The following NOL4 variants were observed in gnomAD, a reference collection of about 807,000 sequenced individuals.
NOL4 encodes cancer/testis antigen 125.
Under a neutral mutation model 75.9 loss-of-function variants are expected in NOL4, and 17 were observed. The observed-to-expected ratio is 0.22, with a 90% CI of 0.15 to 0.34. The LOEUF is 0.34. NOL4 is among the 10% of genes least tolerant of loss of function. The probability of loss-of-function intolerance (pLI) is 1.00; values close to 1 mark genes in which losing one functional copy is unlikely to be tolerated. For missense variants in NOL4, 614 were observed against 793.5 expected (o/e 0.77, Z 2.72); for synonymous variants, 292 against 289.9 (o/e 1.01, Z -0.07).
chr18:34,180,004 C>A (rs1220302552), intron 1 of NOL4, among the ~76,000 whole-genome samples: 1 of 151,430 alleles, frequency 6.6e-6, no homozygotes, highest in Non-Finnish European at 1.5e-5. Flanking sequence ...AAAATACTTT[C>A]TACAAAGAAA....
intron 1 of NOL4, among the ~76,000 whole-genome samples, chr18:34,205,803 C>T (rs2036082802): frequency 6.6e-6 from 1 of 152,016 alleles, no homozygotes; most frequent in Non-Finnish European, 1.5e-5. Flanking sequence ...AATGTTAAAA[C>T]CCCAGGCAAA....
At chr18:33,873,736 C>T (rs1380405662) in intron 10 of NOL4, among the ~76,000 whole-genome samples, 1 of 151,988 alleles carries the variant, frequency 6.6e-6, no homozygotes, top group Non-Finnish European at 1.5e-5. Flanking sequence ...AGGTAGTTAC[C>T]TACTAACACT....
intron 9 of NOL4, among the ~76,000 whole-genome samples, chr18:33,941,165 A>T (rs2068453005): frequency 6.6e-6 from 1 of 152,034 alleles, no homozygotes; most frequent in African/African-American, 2.4e-5. Context: ...TCCTCACAAC[A>T]GCTCTATGAA....
intron 5 of NOL4, among the ~76,000 whole-genome samples, chr18:34,087,265 G>A (rs1346943492): frequency 1.3e-5 from 2 of 152,020 alleles, no homozygotes; most frequent in Non-Finnish European, 2.9e-5. Context: ...TAGGATATAA[G>A]AAAAAGTGAA....
chr18:34,199,911 A>G (rs777617075), intron 1 of NOL4, among the ~76,000 whole-genome samples: 1 of 151,898 alleles, frequency 6.6e-6, no homozygotes, highest in Non-Finnish European at 1.5e-5. Flanking sequence ...CACGGTAAGT[A>G]ATAGCTGCTG....
At chr18:33,959,741 T>G (rs2069950081) in intron 6 of NOL4, among the ~76,000 whole-genome samples, 1 of 152,090 alleles carries the variant, frequency 6.6e-6, no homozygotes, top group African/African-American at 2.4e-5. Context: ...ATTGGTTCCC[T>G]TAAGCTTCAT....
In NOL4 at chr18:34,224,778, CGTGTGTGT is replaced by C. The variant is rs910886366; in HGVS notation, c.-1533_-1526del. On this transcript the variant is annotated 5_prime_UTR_variant, in exon 1 of 11. Coordinates refer to ENST00000261592, the MANE Select transcript of NOL4 (RefSeq NM_003787.5). Reference sequence around the variant, plus strand: ...CCTGCTCGGCCAGGCTGAGTGTGTGCGTGTGTGTGAGCAAGGGAGCGAGGGTGTGCGGT... The same window carrying C: ...CCTGCTCGGCCAGGCTGAGTGTGTGCGAGCAAGGGAGCGAGGGTGTGCGGT... 2 of 154,206 alleles carry C rather than the reference CGTGTGTGT, an allele frequency of 1.3e-5. No individual in the cohort carries two copies. The highest frequency in any genetic ancestry group is 2.9e-5 in the Non-Finnish European group (2 of 69,400). 9.6% of individuals were successfully genotyped at this position (154,206 alleles called of 1,614,324 possible). A position where few individuals can be genotyped will look rare whatever the true frequency, so the allele number is the denominator to read the frequency against.
intron 1 of NOL4, among the ~76,000 whole-genome samples, chr18:34,140,585 G>C (rs1006202244): frequency 2.0e-5 from 3 of 152,098 alleles, no homozygotes; most frequent in African/African-American, 7.2e-5. Flanking sequence ...CTGCACATGA[G>C]ATGGGTCTCC....
rs1446700500 is a variant in NOL4, at chr18:33,852,253, T to G, written c.*589A>C. The G allele has an allele frequency of 1.3e-5, 2 of 152,494 alleles. No individual in the cohort carries two copies. The highest frequency in any genetic ancestry group is 4.8e-5 in the African/African-American group (2 of 41,412). The allele number at this position is 152,494 out of a possible 1,614,324, so 9.4% of individuals were successfully genotyped here. On this transcript the variant is annotated 3_prime_UTR_variant, in exon 11 of 11. Coordinates refer to ENST00000261592, the MANE Select transcript of NOL4 (RefSeq NM_003787.5). Reference sequence around the variant, plus strand: ...AGGCAAAGGGATGTGGAAAAGGTACTTACAGTAGTTTCTCAAAACAGTTTT... The same window carrying G: ...AGGCAAAGGGATGTGGAAAAGGTACGTACAGTAGTTTCTCAAAACAGTTTT...
chr18:34,140,915 A>C (rs914717766), intron 1 of NOL4, among the ~76,000 whole-genome samples: 7 of 152,096 alleles, frequency 4.6e-5, no homozygotes, highest in Non-Finnish European at 8.8e-5. Context: ...TCTAACAATG[A>C]CTGTATATCT....
intron 6 of NOL4, among the ~76,000 whole-genome samples, chr18:33,969,963 G>C (rs1337373686): frequency 6.6e-6 from 1 of 152,110 alleles, no homozygotes; most frequent in Non-Finnish European, 1.5e-5. Flanking sequence ...TGTCTGGCTA[G>C]AGCAGTGTTA....
chr18:33,856,099 C>A (rs191008700), intron 10 of NOL4, among the ~76,000 whole-genome samples: 1 of 151,928 alleles, frequency 6.6e-6, no homozygotes, highest in Admixed American at 6.6e-5. Context: ...TCTCATTTAC[C>A]GTATCATTCT....
rs2062690115 is a variant in NOL4 at position 33,853,049 on chromosome 18, C to A, written c.1724-14G>T. The A allele has an allele frequency of 6.3e-7, 1 of 1,576,956 alleles. No individual in the cohort carries two copies. Among genetic ancestry groups the A allele is most frequent in the Non-Finnish European group, 8.6e-7 (1 of 1,161,580 alleles). ...GATCAGTGGGTCCTAGAAAGAAAAT[C>A]ATCACAAAATTAGACATAAATATTA... On this transcript the variant is annotated splice_polypyrimidine_tract_variant and intron_variant, in intron 10 of 10. Coordinates refer to ENST00000261592, the MANE Select transcript of NOL4 (RefSeq NM_003787.5).
chr18:34,099,572 T>A (rs2078949569), intron 4 of NOL4, among the ~76,000 whole-genome samples: 1 of 151,960 alleles, frequency 6.6e-6, no homozygotes, highest in African/African-American at 2.4e-5. Context: ...AGCATCTCAC[T>A]CTCTACACAA....
intron 5 of NOL4, among the ~76,000 whole-genome samples, chr18:34,091,116 G>C (rs1387854218): frequency 6.6e-6 from 1 of 151,210 alleles, no homozygotes; most frequent in Admixed American, 6.6e-5. Context: ...TTGGGAGGCT[G>C]AGACGGGCAG....
chr18:34,165,012 A>G (rs1266443996), intron 1 of NOL4, among the ~76,000 whole-genome samples: 1 of 149,028 alleles, frequency 6.7e-6, no homozygotes, highest in African/African-American at 2.5e-5. Context: ...AACACCGCAT[A>G]TTCTCACTCA....
intron 8 of NOL4, among the ~76,000 whole-genome samples, chr18:33,953,551 A>T (rs2145690774): frequency 6.6e-6 from 1 of 152,316 alleles, no homozygotes; most frequent in African/African-American, 2.4e-5. Flanking sequence ...ATTAAGTGGT[A>T]GGATACAAGA....
intron 6 of NOL4, among the ~76,000 whole-genome samples, chr18:33,960,805 C>T (rs1441642435): frequency 6.6e-6 from 1 of 152,100 alleles, no homozygotes; most frequent in Non-Finnish European, 1.5e-5. Context: ...AGCATGACTA[C>T]TTATGAGGTT....
chr18:34,083,622 G>T (rs1356237067), intron 5 of NOL4, among the ~76,000 whole-genome samples: 1 of 152,136 alleles, frequency 6.6e-6, no homozygotes, highest in Non-Finnish European at 1.5e-5. Context: ...ATATAGAAAA[G>T]GTTGTCCAAA....
Sources: allele counts gnomAD v4.1 joint callset (sites outside exome capture counted in the v4.1 genomes callset), GRCh38; gene constraint gnomAD v4.1.1; transcripts MANE v1.5; gene names NCBI Gene and HGNC (gene_info 2026-07-23, HGNC 2026-07-21).